QARS1: variants seen among roughly 807,000 people sequenced by gnomAD.
QARS1 encodes the protein glutamine--tRNA ligase.
Under a neutral mutation model 106.9 loss-of-function variants are expected in QARS1, and 79 were observed. The observed-to-expected ratio is 0.74, with a 90% CI of 0.62 to 0.89. The LOEUF (loss-of-function observed/expected upper bound fraction) is 0.89. QARS1 is among the 40% of genes least tolerant of loss of function. The pLI is 0.00. For synonymous variants in QARS1, 395 were observed against 367.7 expected (o/e 1.07, Z -0.85); for missense variants, 966 against 997.2 (o/e 0.97, Z 0.42).
chr3:49,095,956 A>T lies in QARS1; in HGVS notation c.*73T>A. 1 of 1,409,042 alleles carries T rather than the reference A, an allele frequency of 7.1e-7. No individual in the cohort carries two copies. The highest frequency in any genetic ancestry group is 9.9e-7 in the Non-Finnish European group (1 of 1,005,460). 87.3% of individuals were successfully genotyped at this position (1,409,042 alleles called of 1,614,324 possible). A position where few individuals can be genotyped will look rare whatever the true frequency, so the allele number is the denominator to read the frequency against. ...CTCTAGGAGAATTTAGCTGTTCTTT[A>T]TTGACATGGAATTTGGGGTGGCGAG... On this transcript the variant is annotated 3_prime_UTR_variant, in exon 24 of 24. Coordinates refer to ENST00000306125, the MANE Select transcript of QARS1 (RefSeq NM_005051.3).
At position 49,099,802 on chromosome 3, in the gene QARS1, C is replaced by T. The variant is rs1451831196; in HGVS notation, c.1347G>A (p.Glu449=). Residue 449 remains glutamate, a synonymous_variant, in exon 15 of 24, where the codon GAG becomes GAA. Transcript: ENST00000306125. The part of the protein sequence containing the change: ...DYTHCLCDSI[E]HITHSLCTKE... Reference sequence around the variant, plus strand: ...TGGTGCAGAGTGAGTGAGTGATGTGCTCGATGGAGTCACAGAGGCAGTGTG... The same window carrying T: ...TGGTGCAGAGTGAGTGAGTGATGTGTTCGATGGAGTCACAGAGGCAGTGTG... The T allele has an allele frequency of 6.2e-7, 1 of 1,613,876 alleles. No individual in the cohort carries two copies. The highest frequency in any genetic ancestry group is 8.5e-7 in the Non-Finnish European group (1 of 1,180,008).
rs1157847366 is a variant in QARS1 at position 49,100,130 on chromosome 3, G to A, written c.1165-39C>T. On this transcript the variant is annotated intron_variant, in intron 13 of 23. Coordinates refer to ENST00000306125, the MANE Select transcript of QARS1 (RefSeq NM_005051.3). ...GGACTCAGGCTGTCTCTAAGCACAG[G>A]AGCATCTCATTCTCAGCACCTTGGC... is the stretch of plus-strand genomic sequence containing the variant. 4.3e-6 allele frequency: 7 copies of A among 1,614,106 alleles called. No individual in the cohort carries two copies. The South Asian group carries it at 5.5e-5, about 13-fold the overall frequency.
In QARS1 at chr3:49,101,829, A is replaced by G. The variant is rs1190833542; in HGVS notation, c.702T>C (p.Pro234=). Residue 234 remains proline, a splice_region_variant and synonymous_variant, in exon 8 of 24, where the codon CCT becomes CCC. Coordinates refer to ENST00000306125, the MANE Select transcript of QARS1 (RefSeq NM_005051.3). ...CAGGGTTTTGACATGCCCACTAACC[A>G]GGCTTGTGGAACTTAAGGGCCTCCC... ...LRGEALKFHK[P]GENYKTPGYV... 2.5e-6 allele frequency: 4 copies of G among 1,612,064 alleles called. No individual in the cohort carries two copies. Among genetic ancestry groups the G allele is most frequent in the Non-Finnish European group, 2.5e-6 (3 of 1,178,958 alleles).
rs746791896 is a variant in QARS1, at chr3:49,099,989, T to C, written c.1267A>G (p.Thr423Ala). ...TTGTCCCCTGTGCGGTGGTGTGGTG[T>C]ATACTTGACTCGATAGGCTACAGGG... is the stretch of plus-strand genomic sequence containing the variant. ...MDPVAYRVKYTPHHRTGDKWC... is the reference protein window; with the variant it reads ...MDPVAYRVKYAPHHRTGDKWC... Residue 423 changes from threonine to alanine, a missense_variant, in exon 14 of 24, where the codon ACA becomes GCA. By Grantham distance (58) the Thr-to-Ala change is moderately conservative. Coordinates refer to ENST00000306125, the MANE Select transcript of QARS1 (RefSeq NM_005051.3). The C allele has an allele frequency of 5.6e-6, 9 of 1,614,010 alleles. No homozygotes were observed. The Admixed American group carries it at 1.5e-4, about 27-fold the overall frequency.
At position 49,098,902 on chromosome 3, in the gene QARS1, T is replaced by G. The variant is rs765952139; in HGVS notation, c.1846A>C (p.Arg616=). 1 of 1,613,520 alleles carries G rather than the reference T, an allele frequency of 6.2e-7. No homozygotes were observed. Among genetic ancestry groups the G allele is most frequent in the South Asian group, 1.1e-5 (1 of 91,066 alleles). ...VPFAPIVFIE[R]TDFKEEPEPG... ...CAATTTACCTCCTTGAAGTCAGTCC[T>G]CTCAATGAAGACAATGGGTGCAAAG... Residue 616 remains arginine (R), a synonymous_variant, in exon 19 of 24, where the codon AGG becomes CGG. Coordinates refer to ENST00000306125, the MANE Select transcript of QARS1 (RefSeq NM_005051.3).
At chr3:49,103,019 G>A (rs2042491608) in intron 5 of QARS1, among the ~76,000 whole-genome samples, 1 of 151,472 alleles carries the variant, frequency 6.6e-6, no homozygotes, top group South Asian at 2.1e-4. Flanking sequence ...GTGCAGTGGT[G>A]CAATCAGAGC....
rs201610281 is a variant in QARS1, at chr3:49,101,455, G to A, written c.790-14C>T. On this transcript the variant is annotated splice_polypyrimidine_tract_variant and intron_variant, in intron 9 of 23. Transcript: ENST00000306125. ...CCGGGTACGTACCTAAAATAAGGGG[G>A]ATGGGAAAAGAGAAATAAAGTCTGA... 1.9e-6 allele frequency: 3 copies of A among 1,602,760 alleles called. No individual in the cohort carries two copies. Among genetic ancestry groups the A allele is most frequent in the Admixed American group, 1.7e-5 (1 of 59,906 alleles).
rs1292853408 is a variant in QARS1, at chr3:49,103,405, C to T, written c.456G>A (p.Glu152=). ...CTGCCCACTTCAGCACAGCCCGAGC[C>T]TCTCCTAGAAGCATAGGCACAAGGA... ...YHFNMGLLMG[E]ARAVLKWADG... Residue 152 remains glutamate, a synonymous_variant, in exon 5 of 24, where the codon GAG becomes GAA. Transcript: ENST00000306125. The T allele has an allele frequency of 6.2e-7, 1 of 1,614,184 alleles. No homozygotes were observed. Among genetic ancestry groups the T allele is most frequent in the Non-Finnish European group, 8.5e-7 (1 of 1,180,036 alleles).
At chr3:49,102,818 C>T in intron 5 of QARS1, 2 of 371,194 alleles carry the variant, frequency 5.4e-6, no homozygotes, top group Admixed American at 7.4e-5. Context: ...AATTTTTGTA[C>T]TTTTTGTAGA....
rs1001075230 is a variant in QARS1, at chr3:49,103,429, G to A, written c.452-20C>T. On this transcript the variant is annotated intron_variant, in intron 4 of 23. Coordinates refer to ENST00000306125, the MANE Select transcript of QARS1 (RefSeq NM_005051.3). ...CCTCTCCTAGAAGCATAGGCACAAG[G>A]AGCTGCAGAAAGGCAAAAAAGAGTA... 8 of 1,614,008 alleles carry A rather than the reference G, an allele frequency of 5.0e-6. No individual in the cohort carries two copies. Among genetic ancestry groups the A allele is most frequent in the South Asian group, 3.3e-5 (3 of 91,080 alleles).
chr3:49,104,716 G>C lies in QARS1; in HGVS notation c.18C>G (p.Ser6=), dbSNP rs780349624. MAALD[S]LSLFTSLGLS... ...GGCCGAGGCTAGTGAAGAGCGACAG[G>C]GAGTCTAGAGCCGCCATTGCAGAGA... Residue 6 remains serine (S), a synonymous_variant, in exon 1 of 24, where the codon TCC becomes TCG. Coordinates refer to ENST00000306125, the MANE Select transcript of QARS1 (RefSeq NM_005051.3). 3 of 1,612,798 alleles carry C rather than the reference G, an allele frequency of 1.9e-6. No individual in the cohort carries two copies. Among genetic ancestry groups the C allele is most frequent in the African/African-American group, 1.3e-5 (1 of 74,934 alleles).
chr3:49,102,715 C>T, intron 5 of QARS1: 1 of 591,396 alleles, frequency 1.7e-6, no homozygotes. Flanking sequence ...AGTCTCCGCT[C>T]ACTGCAACCT....
rs369088084 is a variant in QARS1, at chr3:49,099,942, C to T, written c.1295+19G>A. 1.2e-6 allele frequency: 2 copies of T among 1,614,134 alleles called. No individual in the cohort carries two copies. Among genetic ancestry groups the T allele is most frequent in the Non-Finnish European group, 1.7e-6 (2 of 1,180,006 alleles). On this transcript the variant is annotated intron_variant, in intron 14 of 23. Coordinates refer to ENST00000306125, the MANE Select transcript of QARS1 (RefSeq NM_005051.3). ...GCCCTGCTCGGCAGCCCCACCACCC[C>T]ACCCCATTCTACACCCACCATTTGT... is the stretch of plus-strand genomic sequence containing the variant.
chr3:49,104,574 C>A (rs1375827118), intron 1 of QARS1, 43 bp downstream of exon 1: 1 of 1,598,086 alleles, frequency 6.3e-7, no homozygotes, highest in African/African-American at 1.3e-5. Flanking sequence ...CGCTGCGTTG[C>A]AGCATGGTCT....
rs962759884 is a variant in QARS1, at chr3:49,100,260, A to G, written c.1094T>C (p.Leu365Pro). The change falls in exon 13 of 24, where the codon CTC becomes CCC. Residue 365 changes from leucine (L) to proline (P), a missense_variant. Coordinates refer to ENST00000306125, the MANE Select transcript of QARS1 (RefSeq NM_005051.3). ...TGAAGGCAGAGTATTATGGCCTTTG[A>G]GCTCCTCTCCTCGCTGGTGGCACAC... The part of the protein sequence containing the change: ...AYVCHQRGEE[L>P]KGHNTLPSPW... The G allele has an allele frequency of 5.6e-6, 9 of 1,614,074 alleles. No homozygotes were observed. The highest frequency in any genetic ancestry group is 1.7e-5 in the Admixed American group (1 of 60,022).
At position 49,103,667 on chromosome 3, in the gene QARS1, C is replaced by A. The variant is rs1184621540; in HGVS notation, c.415G>T (p.Val139Leu). ...AINRHRPQLLVERYHFNMGLL... is the reference protein window; with the variant it reads ...AINRHRPQLLLERYHFNMGLL... ...CCCATGTTGAAATGGTAACGTTCCA[C>A]CAGGAGCTGGGGCCGGTGCCTGTTA... The change falls in exon 4 of 24, where the codon GTG becomes TTG. Residue 139 changes from valine to leucine, a missense_variant. By Grantham distance (32) the Val-to-Leu change is conservative (BLOSUM62 1). Coordinates refer to ENST00000306125, the MANE Select transcript of QARS1 (RefSeq NM_005051.3). The A allele has an allele frequency of 6.2e-7, 1 of 1,613,904 alleles. No homozygotes were observed. Among genetic ancestry groups the A allele is most frequent in the South Asian group, 1.1e-5 (1 of 91,010 alleles).
At position 49,102,727 on chromosome 3, in the gene QARS1, C is replaced by T. The variant is rs374542439; in HGVS notation, c.517-255G>A. 27 of 559,594 alleles carry T rather than the reference C, an allele frequency of 4.8e-5. 2 individuals carry two copies. The highest frequency in any genetic ancestry group is 2.8e-4 in the African/African-American group (15 of 53,720). 34.7% of individuals were successfully genotyped at this position (559,594 alleles called of 1,614,324 possible). On this transcript the variant is annotated intron_variant, in intron 5 of 23. Transcript: ENST00000306125. ...CACAGTCTCCGCTCACTGCAACCTC[C>T]GCCTCCTGGATTCAAGCGATTTTCC... is the stretch of plus-strand genomic sequence containing the variant.
chr3:49,100,961 C>T (rs1008240689), intron 10 of QARS1, among the ~76,000 whole-genome samples: 1 of 152,108 alleles, frequency 6.6e-6, no homozygotes, highest in Non-Finnish European at 1.5e-5. Context: ...AGATTGGTTT[C>T]GAACTCCTGA....
rs1221014964 is a variant in QARS1, at chr3:49,104,644, G to T, written c.90C>A (p.Ser30Arg). The T allele has an allele frequency of 1.2e-6, 2 of 1,607,230 alleles. No homozygotes were observed. Residue 30 changes from serine (S) to arginine (R), a missense_variant, in exon 1 of 24, where the codon AGC becomes AGA. Physicochemically the swap from Ser to Arg is moderately radical, Grantham distance 110. Coordinates refer to ENST00000306125, the MANE Select transcript of QARS1 (RefSeq NM_005051.3). Reference sequence around the variant, plus strand: ...GAGTAGCGGCCTCGCGCAGCTGCGCGCTCAGAGCCGAGTTCTTGAGCGTCT... The same window carrying T: ...GAGTAGCGGCCTCGCGCAGCTGCGCTCTCAGAGCCGAGTTCTTGAGCGTCT... ...ARETLKNSAL[S>R]AQLREAATQA... is the part of the protein sequence containing the mutation.
Sources: allele counts gnomAD v4.1 joint callset (sites outside exome capture counted in the v4.1 genomes callset), GRCh38; gene constraint gnomAD v4.1.1; transcripts MANE v1.5; gene names NCBI Gene and HGNC (gene_info 2026-07-23, HGNC 2026-07-21).